The following EXOC7 variants were observed in gnomAD, a reference collection of about 807,000 sequenced individuals.
EXOC7 encodes the protein exocyst complex component Exo70.
EXOC7 carries 51 observed loss-of-function variants against 87.6 expected under a neutral mutation model. The ratio of observed to expected loss-of-function variants is 0.58; its 90% CI spans 0.46 to 0.73. The LOEUF is 0.73. Ranked by LOEUF, EXOC7 falls within the 30% of genes least tolerant of loss-of-function variation. The pLI is 0.00. For synonymous variants in EXOC7, 327 were observed against 357.1 expected (o/e 0.92, Z 0.95); for missense variants, 744 against 888.4 (o/e 0.84, Z 2.07).
At chr17:76,084,995 T>C in intron 15 of EXOC7, 1 of 466,018 alleles carries the variant, frequency 2.1e-6, no homozygotes, top group Non-Finnish European at 3.9e-6. Context: ...TCAGCCACGT[T>C]CAAGTGCTCT....
chr17:76,094,101 G>A (rs994805468), intron 6 of EXOC7: 6 of 253,120 alleles, frequency 2.4e-5, no homozygotes, highest in East Asian at 1.6e-4. Context: ...CTGACAGGGC[G>A]ACGTGTGTGT....
intron 6 of EXOC7, chr17:76,091,489 G>A (rs958682800): frequency 1.0e-5 from 5 of 486,070 alleles, no homozygotes; most frequent in African/African-American, 3.9e-5. Flanking sequence ...AAGGACAGAG[G>A]GTAATGAAGA....
Position 76,086,099 on chromosome 17 carries a change from C to A in EXOC7, c.1476G>T (p.Arg492=). The change falls in exon 13 of 19, where the codon CGG becomes CGT. Residue 492 remains arginine, a synonymous_variant. Coordinates refer to ENST00000589210, the MANE Select transcript of EXOC7 (RefSeq NM_001013839.4). ...ACTCACAGATATAGGTGCTTAGCAG[C>A]CGCTTGCTGAACTCAGAGCTGTAGC... ...ATSYSSEFSK[R]LLSTYICKVL... 6.2e-7 allele frequency: 1 copy of A among 1,613,828 alleles called. No individual in the cohort carries two copies. The highest frequency in any genetic ancestry group is 8.5e-7 in the Non-Finnish European group (1 of 1,180,024).
In EXOC7 at chr17:76,082,111, G is replaced by T; in HGVS notation, c.*1537C>A. On this transcript the variant is annotated 3_prime_UTR_variant, in exon 19 of 19. Transcript: ENST00000589210. ...GTGCACACCTAGGGCTGGGGTGAGG[G>T]CACGGAGGTCCAGGTGTGGGTAGAG... is the stretch of plus-strand genomic sequence containing the variant. The T allele has an allele frequency of 3.3e-6, 5 of 1,519,628 alleles. No individual in the cohort carries two copies. Among genetic ancestry groups the T allele is most frequent in the Non-Finnish European group, 4.4e-6 (5 of 1,137,262 alleles). The allele number at this position is 1,519,628 out of a possible 1,614,324, so 94.1% of individuals were successfully genotyped here.
intron 2 of EXOC7, 118 bp downstream of exon 2, chr17:76,103,243 T>G (rs2068161911): frequency 1.1e-6 from 1 of 884,518 alleles, no homozygotes; most frequent in East Asian, 2.6e-5. Flanking sequence ...ACCCACACAC[T>G]GCCTCCGTCG....
In EXOC7 at chr17:76,082,882, G is replaced by A. The variant is rs1365207292; in HGVS notation, c.*766C>T. The A allele has an allele frequency of 5.0e-6, 2 of 397,468 alleles. No homozygotes were observed. Among genetic ancestry groups the A allele is most frequent in the Non-Finnish European group, 4.4e-6 (1 of 226,648 alleles). The allele number at this position is 397,468 out of a possible 1,614,324, so 24.6% of individuals were successfully genotyped here. Reference sequence around the variant, plus strand: ...ATTTTTTGCTTCCAACCCCCATTTTGCTCCTTAACTTTTCCCCATTGTCCC... The same window carrying A: ...ATTTTTTGCTTCCAACCCCCATTTTACTCCTTAACTTTTCCCCATTGTCCC... On this transcript the variant is annotated 3_prime_UTR_variant, in exon 19 of 19. Coordinates refer to ENST00000589210, the MANE Select transcript of EXOC7 (RefSeq NM_001013839.4).
chr17:76,101,072 A>G (rs2068035487), intron 4 of EXOC7, 199 bp downstream of exon 4: 1 of 974,390 alleles, frequency 1.0e-6, no homozygotes, highest in Non-Finnish European at 1.3e-6. Context: ...TACATTAACA[A>G]GTTTTATAAT....
rs776733186 is a variant in EXOC7, at chr17:76,082,669, G to C, written c.*979C>G. 1.9e-6 allele frequency: 3 copies of C among 1,591,764 alleles called. No homozygotes were observed. The highest frequency in any genetic ancestry group is 2.6e-6 in the Non-Finnish European group (3 of 1,169,496). ...TAGACTGTAAAGGGGCAGGGCCTGG[G>C]CTGCACACCTTAGGATGAAGTTTGC... On this transcript the variant is annotated 3_prime_UTR_variant, in exon 19 of 19. Transcript: ENST00000589210.
At chr17:76,088,232 C>G (rs2067302194) in intron 10 of EXOC7, 110 bp from the exon 11 acceptor site, 2 of 1,208,970 alleles carry the variant, frequency 1.7e-6, no homozygotes, top group Non-Finnish European at 2.4e-6. Flanking sequence ...GGACACCTCT[C>G]AGGCACAAAG....
intron 6 of EXOC7, chr17:76,092,464 T>G (rs1451931698): frequency 3.9e-5 from 6 of 152,006 alleles, no homozygotes; most frequent in Non-Finnish European, 8.8e-5. Flanking sequence ...CCAACTAATT[T>G]TTTTTCTATT....
At chr17:76,094,261 A>G (rs1036288421) in intron 6 of EXOC7, 153 bp downstream of exon 6, 3 of 745,646 alleles carry the variant, frequency 4.0e-6, no homozygotes, top group African/African-American at 3.5e-5. Flanking sequence ...GGGTGGGTAG[A>G]CACTTGCTTT....
intron 12 of EXOC7, chr17:76,087,176 T>C: frequency 2.3e-6 from 1 of 439,008 alleles, no homozygotes; most frequent in Non-Finnish European, 4.2e-6. Flanking sequence ...GGGACCTCAG[T>C]GCTTGGAATG....
In EXOC7 at chr17:76,089,322, T is replaced by C. The variant is rs1567968973; in HGVS notation, c.902-2A>G. 6.2e-7 allele frequency: 1 copy of C among 1,613,754 alleles called. No homozygotes were observed. The highest frequency in any genetic ancestry group is 8.5e-7 in the Non-Finnish European group (1 of 1,179,886). On this transcript the variant is annotated splice_acceptor_variant, in intron 7 of 18. Transcript: ENST00000589210. LOFTEE classifies it high-confidence loss of function. ...CCACGTCCAGCATGTCATCTCTCCC[T>C]GGGGGATGGCACAACTCTTGAGCTG...
chr17:76,086,139 C>T lies in EXOC7; in HGVS notation c.1436G>A (p.Ser479Asn). Residue 479 changes from serine (S) to asparagine (N), a missense_variant, in exon 13 of 19, where the codon AGC (serine) becomes AAC (asparagine). Transcript: ENST00000589210. ...AGAMLASQET[S>N]SSATSYSSEF... ...AGAGCTGTAGCTGGTGGCCGAAGAG[C>T]TGGTCTCTGTGAGAGGAGAAGTCCT... 6.2e-7 allele frequency: 1 copy of T among 1,613,674 alleles called. No homozygotes were observed. The highest frequency in any genetic ancestry group is 8.5e-7 in the Non-Finnish European group (1 of 1,180,010).
At chr17:76,090,098 G>A (rs2067405878) in intron 7 of EXOC7, among the ~76,000 whole-genome samples, 1 of 152,256 alleles carries the variant, frequency 6.6e-6, no homozygotes, top group African/African-American at 2.4e-5. Context: ...GCTTTCCGAG[G>A]AGCAGCGGCT....
At chr17:76,102,593 C>T (rs1215506252) in intron 2 of EXOC7, among the ~76,000 whole-genome samples, 1 of 151,962 alleles carries the variant, frequency 6.6e-6, no homozygotes, top group Non-Finnish European at 1.5e-5. Context: ...ACAACACAGC[C>T]AGACTCTGCC....
intron 7 of EXOC7, chr17:76,090,556 A>G: frequency 7.3e-7 from 1 of 1,374,678 alleles, no homozygotes. Flanking sequence ...CCCCTCCTCT[A>G]CCTCAAGCCA....
chr17:76,081,527 T>C lies in EXOC7; in HGVS notation c.*2121A>G, dbSNP rs1445940915. 2.5e-6 allele frequency: 4 copies of C among 1,612,428 alleles called. No homozygotes were observed. The highest frequency in any genetic ancestry group is 3.3e-5 in the Admixed American group (2 of 60,004). On this transcript the variant is annotated 3_prime_UTR_variant, in exon 19 of 19. Transcript: ENST00000589210. ...TCCTTCCCCCCCGCCGGGAAGGCCC[T>C]GACTTTTCCCCTTCCAGCTGAGGCT...
intron 2 of EXOC7, 74 bp downstream of exon 2, chr17:76,103,287 G>C (rs944255055): frequency 1.1e-5 from 15 of 1,425,548 alleles, no homozygotes; most frequent in Non-Finnish European, 1.4e-5. Context: ...CGCAGGAACC[G>C]GAACCGCCAG....
Sources: allele counts gnomAD v4.1 joint callset (sites outside exome capture counted in the v4.1 genomes callset), GRCh38; gene constraint gnomAD v4.1.1; transcripts MANE v1.5; gene names NCBI Gene and HGNC (gene_info 2026-07-23, HGNC 2026-07-21).